The following GREB1L variants were observed in gnomAD, a reference collection of about 807,000 sequenced individuals.
The protein encoded by GREB1L is GREB1-like protein.
GREB1L carries 17 observed loss-of-function variants against 200.8 expected under a neutral mutation model. The ratio of observed to expected loss-of-function variants is 0.08; its 90% CI spans 0.06 to 0.13. The LOEUF is 0.13. Ranked by LOEUF, GREB1L falls within the 10% of genes least tolerant of loss-of-function variation. GREB1L has a pLI of 1.00. For missense variants in GREB1L, 1,657 were observed against 2,367.7 expected, an observed-to-expected ratio of 0.70 and a Z score of 6.23; for synonymous variants, 789 against 893.0, an observed-to-expected ratio of 0.88 and a Z score of 2.08.
intron 2 of GREB1L, among the ~76,000 whole-genome samples, chr18:21,371,783 C>CAAAAAAAAAAA (rs373133981): frequency 1.3e-5 from 1 of 77,746 alleles, no homozygotes. Context: ...GACTTCATCT[C>CAAAAAAAAAAA]AAAAAAAAAA....
At chr18:21,314,182 T>A (rs2038833520) in intron 1 of GREB1L, among the ~76,000 whole-genome samples, 2 of 152,246 alleles carry the variant, frequency 1.3e-5, no homozygotes, top group Non-Finnish European at 2.9e-5. Flanking sequence ...CTAAGTATTG[T>A]GGTTCAAACT....
At chr18:21,258,768 G>A (rs180962737) in intron 1 of GREB1L, among the ~76,000 whole-genome samples, 15 of 152,166 alleles carry the variant, frequency 9.9e-5, no homozygotes, top group African/African-American at 2.2e-4. Context: ...ATAATCCTTC[G>A]TGCGTGTTCA....
At chr18:21,502,680 C>A (rs530142146) in intron 23 of GREB1L, among the ~76,000 whole-genome samples, 1 of 152,134 alleles carries the variant, frequency 6.6e-6, no homozygotes, top group Non-Finnish European at 1.5e-5. Flanking sequence ...TGCACTAGAT[C>A]GTCGGGCCCA....
chr18:21,381,114 C>T (rs1213439393), intron 2 of GREB1L, among the ~76,000 whole-genome samples: 2 of 152,150 alleles, frequency 1.3e-5, no homozygotes, highest in African/African-American at 2.4e-5. Context: ...CAGTGGCGGG[C>T]GCCTGTAGCC....
At chr18:21,511,915 G>C (rs976326958) in intron 27 of GREB1L, among the ~76,000 whole-genome samples, 1 of 152,126 alleles carries the variant, frequency 6.6e-6, no homozygotes, top group African/African-American at 2.4e-5. Flanking sequence ...AAAATGCTGA[G>C]ATTACAGGTG....
At chr18:21,270,470 A>C (rs1262560316) in intron 1 of GREB1L, among the ~76,000 whole-genome samples, 2 of 152,122 alleles carry the variant, frequency 1.3e-5, no homozygotes, top group East Asian at 1.9e-4. Context: ...CTTGGCTTTT[A>C]TCTCTTTCTC....
intron 16 of GREB1L, among the ~76,000 whole-genome samples, chr18:21,475,949 A>C (rs1373746855): frequency 4.8e-5 from 6 of 123,842 alleles, no homozygotes; most frequent in African/African-American, 2.0e-4. Context: ...AGCCTGGGTG[A>C]CACAGAGAGA....
chr18:21,427,069 A>C (rs528263870), intron 7 of GREB1L, among the ~76,000 whole-genome samples: 1 of 151,476 alleles, frequency 6.6e-6, no homozygotes, highest in Non-Finnish European at 1.5e-5. Context: ...AATTTCTGTG[A>C]AGAAACCAGC....
chr18:21,275,971 T>A (rs1050316839), intron 1 of GREB1L, among the ~76,000 whole-genome samples: 76 of 152,164 alleles, frequency 5.0e-4, no homozygotes, highest in Admixed American at 1.2e-3. Flanking sequence ...CTGTTGGTGG[T>A]CTTGGAAGAC....
chr18:21,501,066 CA>C (rs11295281), intron 23 of GREB1L, among the ~76,000 whole-genome samples: 37,622 of 86,814 alleles, frequency 0.43, 6,883 homozygotes, highest in African/African-American at 0.65. Flanking sequence ...GACTTTGTCT[CA>C]AAAAAAAAAA....
At chr18:21,397,527 A>AG (rs2041127672) in intron 5 of GREB1L, among the ~76,000 whole-genome samples, 1 of 122,014 alleles carries the variant, frequency 8.2e-6, no homozygotes. Flanking sequence ...TCCGTCTCAA[A>AG]AAAAAAAAAA....
Position 21,403,945 on chromosome 18 carries a change from C to T in GREB1L, c.783C>T (p.Thr261=), listed in dbSNP as rs551864882. ...GCTCTTCAGTGTCGTCAACTGTGACCCCAGAAAATGGGACAACTAATGGAT... is the reference window on the plus strand; with the variant it reads ...GCTCTTCAGTGTCGTCAACTGTGACTCCAGAAAATGGGACAACTAATGGAT... ...KPSSSVSSTV[T]PENGTTNGYK... The change falls in exon 7 of 33, where the codon ACC becomes ACT. Residue 261 remains threonine, a synonymous_variant. Transcript: ENST00000424526. 6 of 1,550,886 alleles carry T rather than the reference C, an allele frequency of 3.9e-6. No individual in the cohort carries two copies. The East Asian group carries it at 1.5e-4, about 38-fold the overall frequency.
intron 7 of GREB1L, among the ~76,000 whole-genome samples, chr18:21,423,894 A>G (rs1257545898): frequency 6.6e-6 from 1 of 152,130 alleles, no homozygotes; most frequent in Non-Finnish European, 1.5e-5. Context: ...AGGCTGGGAC[A>G]TTTATTCTTA....
intron 10 of GREB1L, among the ~76,000 whole-genome samples, chr18:21,442,258 C>T (rs542215169): frequency 6.6e-6 from 1 of 152,310 alleles, no homozygotes; most frequent in Non-Finnish European, 1.5e-5. Flanking sequence ...AGACTGCTTG[C>T]TCTACCTTAA....
chr18:21,382,035 T>A (rs938472738), intron 2 of GREB1L, among the ~76,000 whole-genome samples: 13 of 151,730 alleles, frequency 8.6e-5, no homozygotes, highest in African/African-American at 2.7e-4. Flanking sequence ...CAAAAAAAAA[T>A]TTTGTTTAAA....
At chr18:21,318,485 A>G (rs1169814266) in intron 1 of GREB1L, among the ~76,000 whole-genome samples, 2 of 152,138 alleles carry the variant, frequency 1.3e-5, no homozygotes, top group African/African-American at 4.8e-5. Context: ...TCTTCCAAGG[A>G]TAATGCGATC....
chr18:21,351,340 T>G (rs1231072188), intron 1 of GREB1L, among the ~76,000 whole-genome samples: 4 of 152,166 alleles, frequency 2.6e-5, no homozygotes, highest in Non-Finnish European at 5.9e-5. Flanking sequence ...TTTGGGAGGC[T>G]GAGCCAGGTG....
rs2033928222 is a variant in GREB1L at position 21,442,003 on chromosome 18, A to C, written c.1207+466A>C. On this transcript the variant is annotated intron_variant, in intron 10 of 32. Transcript: ENST00000424526. ...AGGTCAGGGAGGAGACATTCCAGTC[A>C]AAGGGAGCCAAACCACAAAGAAATG... 2.6e-5 allele frequency among the ~76,000 whole-genome samples: 4 copies of C among 152,206 alleles called. No individual in the cohort carries two copies. The South Asian group carries it at 6.2e-4, about 24-fold the overall frequency.
At chr18:21,359,295 C>A (rs1402701664) in intron 1 of GREB1L, among the ~76,000 whole-genome samples, 3 of 152,006 alleles carry the variant, frequency 2.0e-5, no homozygotes, top group African/African-American at 7.2e-5. Flanking sequence ...ACTAAAAATA[C>A]AAAAATTAGC....
Sources: gnomAD v4.1 joint callset for allele counts (sites outside exome capture counted in the v4.1 genomes callset) on GRCh38, gnomAD v4.1.1 for gene constraint, MANE v1.5 for transcripts, NCBI Gene and HGNC (gene_info 2026-07-23, HGNC 2026-07-21) for gene names.